Variants in ACACB observed in about 807,000 individuals in gnomAD.
ACACB encodes acetyl-CoA carboxylase 2.
A neutral mutation model predicts 278.8 loss-of-function variants in ACACB; 209 were observed. The ratio of observed to expected loss-of-function variants is 0.75; its 90% CI spans 0.67 to 0.84. The LOEUF (loss-of-function observed/expected upper bound fraction) is 0.84, where lower values mean the gene tolerates loss of function less well. Among genes scored for constraint, ACACB ranks in the 40% least tolerant of loss-of-function variants. ACACB has a pLI of 0.00. For missense variants in ACACB, 2,850 were observed against 3,269.0 expected (o/e 0.87, Z 3.13); for synonymous variants, 1,174 against 1,285.6 (o/e 0.91, Z 1.86).
At chr12:109,127,114 T>G (rs1233607044) in intron 1 of ACACB, among the ~76,000 whole-genome samples, 1 of 152,186 alleles carries the variant, frequency 6.6e-6, no homozygotes, top group African/African-American at 2.4e-5. Flanking sequence ...CAGGCTCTGA[T>G]TCCACCAATC....
chr12:109,124,641 G>C (rs1448747552), intron 1 of ACACB, among the ~76,000 whole-genome samples: 1 of 152,152 alleles, frequency 6.6e-6, no homozygotes, highest in East Asian at 1.9e-4. Flanking sequence ...TTACTATAGT[G>C]ATTTTCTACT....
chr12:109,238,028 GA>G (rs1026343226), intron 34 of ACACB, among the ~76,000 whole-genome samples: 9 of 144,082 alleles, frequency 6.2e-5, no homozygotes, highest in African/African-American at 1.0e-4. Context: ...AAAAAAAAAA[GA>G]AAAAAAGAAA....
rs1355508520 is a variant in ACACB, at chr12:109,266,712, A to G, written c.*350A>G. 1 of 165,024 alleles carries G rather than the reference A, an allele frequency of 6.1e-6. No homozygotes were observed. The highest frequency in any genetic ancestry group is 2.4e-5 in the African/African-American group (1 of 41,908). The allele number at this position is 165,024 out of a possible 1,614,324, so 10.2% of individuals were successfully genotyped here. ...CAGGCGTTCTTTAGGATCCTTGGAT[A>G]CCACATCGTGAAATCTTTTATTTTT... is the stretch of plus-strand genomic sequence containing the variant. On this transcript the variant is annotated 3_prime_UTR_variant, in exon 53 of 53. Transcript: ENST00000338432.
chr12:109,256,069 C>T, intron 44 of ACACB, 71 bp from the exon 45 acceptor site: 2 of 1,242,930 alleles, frequency 1.6e-6, no homozygotes, highest in Admixed American at 1.8e-5. Context: ...AGCTTTTGCA[C>T]AGCCAGGAGT....
In ACACB at chr12:109,238,659, G is replaced by A. The variant is rs1277280471; in HGVS notation, c.4663-1171G>A. Among the ~76,000 whole-genome samples, 4 of 150,642 alleles carry A rather than the reference G, an allele frequency of 2.7e-5. No homozygotes were observed. The South Asian group carries it at 6.3e-4, about 24-fold the overall frequency. ...AGTTCACTGCAACCTCCGCACCCCC[G>A]GGTTCAAACAATTCTCCTGCCTCAG... On this transcript the variant is annotated intron_variant, in intron 34 of 52. Coordinates refer to ENST00000338432, the MANE Select transcript of ACACB (RefSeq NM_001093.4).
At position 109,252,048 on chromosome 12, in the gene ACACB, G is replaced by A. The variant is rs1418515787; in HGVS notation, c.5793G>A (p.Val1931=). Residue 1931 remains valine, a splice_region_variant and synonymous_variant, in exon 42 of 53, where the codon GTG becomes GTA. Coordinates refer to ENST00000338432, the MANE Select transcript of ACACB (RefSeq NM_001093.4). ...CAGAGGGGGTCCTCTCTCCACAGGT[G>A]ACCTGCCGAGCCATTGGGATTGGGG... ...AYEEIVTISL[V]TCRAIGIGAY... 1.2e-6 allele frequency: 2 copies of A among 1,609,840 alleles called. No homozygotes were observed. Among genetic ancestry groups the A allele is most frequent in the East Asian group, 2.2e-5 (1 of 44,690 alleles).
upstream of ACACB, among the ~76,000 whole-genome samples, chr12:109,113,681 T>G (rs1482353473): frequency 6.6e-6 from 1 of 152,202 alleles, no homozygotes; most frequent in African/African-American, 2.4e-5. Flanking sequence ...TCAGTTTGCT[T>G]CTCATATAAA....
rs201813836 is a variant in ACACB at position 109,241,064 on chromosome 12, G to T, written c.4819-14G>T. 698 of 1,610,626 alleles carry T rather than the reference G, an allele frequency of 4.3e-4. 1 individual carries two copies. Among genetic ancestry groups the T allele is most frequent in the Non-Finnish European group, 5.7e-4 (676 of 1,177,260 alleles). ...TCTTGGCCCTGAAACTGGAATTGCT[G>T]TGTTTTGGGGCAGATCGAGGAGTCC... On this transcript the variant is annotated splice_polypyrimidine_tract_variant and intron_variant, in intron 35 of 52. Coordinates refer to ENST00000338432, the MANE Select transcript of ACACB (RefSeq NM_001093.4).
intron 21 of ACACB, among the ~76,000 whole-genome samples, chr12:109,210,201 A>ATATATGTATATACACACACGTGTGTG (rs1555222956): frequency 7.4e-5 from 1 of 13,568 alleles, no homozygotes; most frequent in Non-Finnish European, 1.5e-4. Flanking sequence ...GTGTATATGT[A>ATATATGTATATACACACACGTGTGTG]TATATGTATA....
intron 21 of ACACB, among the ~76,000 whole-genome samples, chr12:109,210,593 A>G (rs1181062498): frequency 6.7e-6 from 1 of 148,942 alleles, no homozygotes; most frequent in African/African-American, 2.5e-5. Context: ...ATATAAACAT[A>G]TATATGTATA....
intron 2 of ACACB, among the ~76,000 whole-genome samples, chr12:109,151,762 G>A (rs931732900): frequency 9.9e-5 from 15 of 152,180 alleles, no homozygotes; most frequent in African/African-American, 2.7e-4. Context: ...GAGAGGAAGG[G>A]CTTAATGCAT....
intron 1 of ACACB, among the ~76,000 whole-genome samples, chr12:109,117,204 A>G (rs2042425691): frequency 6.6e-6 from 1 of 151,486 alleles, no homozygotes; most frequent in East Asian, 1.9e-4. Flanking sequence ...TACTAAACAC[A>G]TAAAAATTAG....
rs1451622211 is a variant in ACACB at position 109,239,740 on chromosome 12, GTC to G, written c.4663-86_4663-85del. On this transcript the variant is annotated intron_variant, in intron 34 of 52. Coordinates refer to ENST00000338432, the MANE Select transcript of ACACB (RefSeq NM_001093.4). The stretch of plus-strand genomic sequence containing the variant: ...TGGAGGAGGGGAATGTTTTCCTCCT[GTC>G]TCTGCCTCTTTGGGGCTGAGTTTCC... 2.1e-6 allele frequency: 3 copies of G among 1,404,732 alleles called. No homozygotes were observed. In the African/African-American group the frequency reaches 4.4e-5, roughly 20 times the overall value. The allele number at this position is 1,404,732 out of a possible 1,614,324, so 87.0% of individuals were successfully genotyped here.
intron 2 of ACACB, among the ~76,000 whole-genome samples, chr12:109,160,104 A>C (rs1157512950): frequency 1.3e-5 from 2 of 151,506 alleles, no homozygotes; most frequent in Non-Finnish European, 2.9e-5. Context: ...AAAAAAAAAA[A>C]ACCAACCAAC....
intron 1 of ACACB, among the ~76,000 whole-genome samples, chr12:109,138,510 G>C (rs2043023397): frequency 6.6e-6 from 1 of 151,860 alleles, no homozygotes; most frequent in African/African-American, 2.4e-5. Context: ...GAATGATGAT[G>C]ATGATGACAG....
rs1003346645 is a variant in ACACB, at chr12:109,223,713, G to A, written c.3793-102G>A. ...GGAGTTTGAGGCTGCGGTGAGCTATGATCACACCACTGCACTCCAGTTTAT... is the reference window on the plus strand; with the variant it reads ...GGAGTTTGAGGCTGCGGTGAGCTATAATCACACCACTGCACTCCAGTTTAT... On this transcript the variant is annotated intron_variant, in intron 26 of 52. Transcript: ENST00000338432. The A allele has an allele frequency of 6.4e-6, 7 of 1,090,982 alleles. No individual in the cohort carries two copies. In the Admixed American group the frequency reaches 1.0e-4, roughly 16 times the overall value. 67.6% of individuals were successfully genotyped at this position (1,090,982 alleles called of 1,614,324 possible). A position where few individuals can be genotyped will look rare whatever the true frequency, so the allele number is the denominator to read the frequency against.
At chr12:109,222,977 G>A in intron 26 of ACACB, 65 bp downstream of exon 26, 2 of 1,313,720 alleles carry the variant, frequency 1.5e-6, no homozygotes, top group Non-Finnish European at 2.1e-6. Flanking sequence ...GGGGGCCTCT[G>A]GGGAAACGGC....
chr12:109,151,071 C>T (rs1216671390), intron 2 of ACACB, among the ~76,000 whole-genome samples: 3 of 151,372 alleles, frequency 2.0e-5, no homozygotes, highest in African/African-American at 7.3e-5. Context: ...CTCTACCGCC[C>T]GGGTCCCGGT....
chr12:109,135,314 T>C (rs2042938844), intron 1 of ACACB, among the ~76,000 whole-genome samples: 1 of 152,176 alleles, frequency 6.6e-6, no homozygotes, highest in South Asian at 2.1e-4. Flanking sequence ...TGACCATTTG[T>C]ATATCTTCAT....
Sources: allele counts gnomAD v4.1 joint callset (sites outside exome capture counted in the v4.1 genomes callset), GRCh38; gene constraint gnomAD v4.1.1; transcripts MANE v1.5; gene names NCBI Gene and HGNC (gene_info 2026-07-23, HGNC 2026-07-21).